The following MSH5 variants were observed in gnomAD, a reference collection of about 807,000 sequenced individuals.
MSH5 encodes the protein mutS protein homolog 5.
Under a neutral mutation model 107.7 loss-of-function variants are expected in MSH5, and 78 were observed. The observed-to-expected ratio is 0.72, with a 90% CI of 0.60 to 0.87. MSH5 has a LOEUF of 0.87. Ranked by LOEUF, MSH5 falls within the 40% of genes least tolerant of loss-of-function variation. MSH5 has a pLI of 0.00. For synonymous variants in MSH5, 326 were observed against 399.5 expected (o/e 0.82, Z 2.19); for missense variants, 889 against 1,046.6 (o/e 0.85, Z 2.08).
intron 12 of MSH5, among the ~76,000 whole-genome samples, chr6:31,755,265 C>A (rs1055814522): frequency 6.6e-6 from 1 of 152,276 alleles, no homozygotes; most frequent in East Asian, 1.9e-4. Context: ...GATCCTCCCC[C>A]CTCAGCCTCC....
At chr6:31,743,040 G>A in intron 4 of MSH5, 68 bp from the exon 5 acceptor site, 1 of 1,609,608 alleles carries the variant, frequency 6.2e-7, no homozygotes, top group Non-Finnish European at 8.5e-7. Flanking sequence ...TGGGTGAGAG[G>A]GAGTGTCAGA....
intron 12 of MSH5, among the ~76,000 whole-genome samples, chr6:31,755,177 G>A (rs1468819802): frequency 6.6e-6 from 1 of 150,482 alleles, no homozygotes; most frequent in Non-Finnish European, 1.5e-5. Flanking sequence ...TTTGAGACAG[G>A]GTCTCACTCT....
intron 12 of MSH5, 21 bp downstream of exon 12, chr6:31,753,650 T>C: frequency 6.2e-7 from 1 of 1,613,108 alleles, no homozygotes; most frequent in Non-Finnish European, 8.5e-7. Flanking sequence ...CCTTCTTGAA[T>C]CCCAAAAGTC....
chr6:31,752,487 C>T (rs933289714), intron 10 of MSH5, among the ~76,000 whole-genome samples: 10 of 152,086 alleles, frequency 6.6e-5, no homozygotes, highest in East Asian at 3.9e-4. Flanking sequence ...CTTTGGGAGC[C>T]GAGGCGGGCA....
Position 31,758,508 on chromosome 6 carries a change from G to C in MSH5, c.1144-40G>C. 6.2e-7 allele frequency: 1 copy of C among 1,607,112 alleles called. No individual in the cohort carries two copies. Among genetic ancestry groups the C allele is most frequent in the Non-Finnish European group, 8.5e-7 (1 of 1,174,708 alleles). On this transcript the variant is annotated intron_variant, in intron 13 of 24. Coordinates refer to ENST00000375750, the MANE Select transcript of MSH5 (RefSeq NM_172166.4). This position sits in a 1 kb window ranked among gnomAD's most constrained non-coding sequence, Gnocchi z 5.1. ...CCAAGGAGAGCTGAGGAACAGGACA[G>C]AGGGTGCCAGGTCCTAAGAAACAGT...
intron 10 of MSH5, 46 bp downstream of exon 10, chr6:31,747,478 A>C: frequency 1.3e-6 from 2 of 1,589,696 alleles, no homozygotes; most frequent in South Asian, 2.2e-5. Context: ...TGAATTCCAT[A>C]TGCACACTAC....
rs1810945981 is a variant in MSH5, at chr6:31,761,099, T to C, written c.1963-89T>C. 3.1e-6 allele frequency: 4 copies of C among 1,286,046 alleles called. No homozygotes were observed. Among genetic ancestry groups the C allele is most frequent in the East Asian group, 2.5e-5 (1 of 40,462 alleles). The allele number at this position is 1,286,046 out of a possible 1,614,324, so 79.7% of individuals were successfully genotyped here. ...AACTTGCAGTGCAGTAGGGAGGGCATGTATACAGCTTTATTCACAGGCCAA... is the reference window on the plus strand; with the variant it reads ...AACTTGCAGTGCAGTAGGGAGGGCACGTATACAGCTTTATTCACAGGCCAA... On this transcript the variant is annotated intron_variant, in intron 20 of 24. Coordinates refer to ENST00000375750, the MANE Select transcript of MSH5 (RefSeq NM_172166.4). This position sits in a 1 kb window ranked among gnomAD's most constrained non-coding sequence, Gnocchi z 5.3.
At chr6:31,741,129 C>G in intron 2 of MSH5, 34 bp from the exon 3 acceptor site, 1 of 1,611,404 alleles carries the variant, frequency 6.2e-7, no homozygotes, top group Admixed American at 1.7e-5. Context: ...ATGAGTGATT[C>G]TAATAGTGAT....
rs1431998328 is a variant in MSH5 at position 31,759,863 on chromosome 6, C to T, written c.1573C>T (p.Leu525Phe). Residue 525 changes from leucine to phenylalanine, a missense_variant, in exon 18 of 25, where the codon CTT becomes TTT. This residue lies in a region of MSH5 where 362 missense variants were observed against 456.2 expected (regional missense o/e 0.79). Transcript: ENST00000375750. The surrounding 1 kb of genome is among the most constrained non-coding windows in gnomAD (Gnocchi z 4.7). ...RAAVLTRVLD[L>F]ASRLDVLLAL... is the part of the protein sequence containing the mutation. ...AGCTGTCTTAACCCGAGTATTGGAC[C>T]TTGCCTCCCGCCTGGACGTCCTGCT... is the stretch of plus-strand genomic sequence containing the variant. 6.2e-7 allele frequency: 1 copy of T among 1,614,052 alleles called. No individual in the cohort carries two copies. Among genetic ancestry groups the T allele is most frequent in the Non-Finnish European group, 8.5e-7 (1 of 1,180,044 alleles).
chr6:31,753,262 T>G (rs756215468), intron 10 of MSH5, 39 bp from the exon 11 acceptor site: 1 of 1,563,616 alleles, frequency 6.4e-7, no homozygotes, highest in South Asian at 1.2e-5. Flanking sequence ...AGATGATAGA[T>G]GTAACTTGTA....
At chr6:31,745,836 C>A (rs1809394204) in intron 9 of MSH5, among the ~76,000 whole-genome samples, 1 of 142,314 alleles carries the variant, frequency 7.0e-6, no homozygotes, top group South Asian at 2.2e-4. Flanking sequence ...GGTGCAATAT[C>A]AGCTCACTGC....
chr6:31,748,786 C>G (rs1809693809), intron 10 of MSH5, among the ~76,000 whole-genome samples: 1 of 152,134 alleles, frequency 6.6e-6, no homozygotes, highest in South Asian at 2.1e-4. Flanking sequence ...GTTTTAATTT[C>G]CAGACTCACC....
In MSH5 at chr6:31,761,347, T is replaced by C; in HGVS notation, c.2037+85T>C. 1 of 1,606,200 alleles carries C rather than the reference T, an allele frequency of 6.2e-7. No individual in the cohort carries two copies. The highest frequency in any genetic ancestry group is 8.5e-7 in the Non-Finnish European group (1 of 1,175,012). On this transcript the variant is annotated intron_variant, in intron 21 of 24. Coordinates refer to ENST00000375750, the MANE Select transcript of MSH5 (RefSeq NM_172166.4). The surrounding 1 kb of genome is among the most constrained non-coding windows in gnomAD (Gnocchi z 5.3). The stretch of plus-strand genomic sequence containing the variant: ...GAGCATGACAGTGAGGCTGGGCCTC[T>C]GGAATGGAATAGGGCTGTGTGGGCA...
At position 31,759,585 on chromosome 6, in the gene MSH5, T is replaced by C; in HGVS notation, c.1495+73T>C. ...GCAGCAGCCAGGGGAAGGAGGGGAG[T>C]GGGCAACTTGGGGATGCTTCCAACA... On this transcript the variant is annotated intron_variant, in intron 17 of 24. Coordinates refer to ENST00000375750, the MANE Select transcript of MSH5 (RefSeq NM_172166.4). This position sits in a 1 kb window ranked among gnomAD's most constrained non-coding sequence, Gnocchi z 4.7. 1.2e-5 allele frequency: 16 copies of C among 1,369,508 alleles called. No individual in the cohort carries two copies. Among genetic ancestry groups the C allele is most frequent in the Non-Finnish European group, 1.4e-5 (14 of 968,164 alleles). The allele number at this position is 1,369,508 out of a possible 1,614,324, so 84.8% of individuals were successfully genotyped here.
In MSH5 at chr6:31,761,806, TTC is replaced by T; in HGVS notation, c.2182-8_2182-7del. 6.2e-7 allele frequency: 1 copy of T among 1,613,116 alleles called. No individual in the cohort carries two copies. Among genetic ancestry groups the T allele is most frequent in the Non-Finnish European group, 8.5e-7 (1 of 1,180,024 alleles). On this transcript the variant is annotated splice_polypyrimidine_tract_variant and intron_variant, in intron 22 of 24. Transcript: ENST00000375750. The surrounding 1 kb of genome is among the most constrained non-coding windows in gnomAD (Gnocchi z 5.3). ...GTGATTGATGATACACTGTCTTTTATTCTCTTTTAAGACCATGGAGACCTGTG... is the reference window on the plus strand; with the variant it reads ...GTGATTGATGATACACTGTCTTTTATTCTTTTAAGACCATGGAGACCTGTG...
At chr6:31,754,452 G>A (rs1445123161) in intron 12 of MSH5, among the ~76,000 whole-genome samples, 1 of 151,874 alleles carries the variant, frequency 6.6e-6, no homozygotes, top group Non-Finnish European at 1.5e-5. Flanking sequence ...GCCCAGCCTA[G>A]TATGTGTCAT....
At chr6:31,745,450 TTTC>T in intron 9 of MSH5, 131 bp downstream of exon 9, 1 of 667,748 alleles carries the variant, frequency 1.5e-6, no homozygotes, top group Non-Finnish European at 2.6e-6. Context: ...CCAATCCAAA[TTTC>T]TTACCTATTT....
chr6:31,745,734 A>G (rs1052316005), intron 9 of MSH5, among the ~76,000 whole-genome samples: 4 of 148,940 alleles, frequency 2.7e-5, no homozygotes, highest in African/African-American at 7.4e-5. Context: ...AAATATCCAT[A>G]TAGTTTCATA....
intron 9 of MSH5, chr6:31,746,027 A>T (rs1231431961): frequency 6.7e-6 from 1 of 149,834 alleles, no homozygotes; most frequent in African/African-American, 2.5e-5. Flanking sequence ...CGGCCTCCCA[A>T]AGTGCTGGGA....
Sources: gnomAD v4.1 joint callset for allele counts (sites outside exome capture counted in the v4.1 genomes callset) on GRCh38, gnomAD v4.1.1 for gene constraint, gnomAD v4.1.1 regional missense constraint, Gnocchi (gnomAD v3.1) non-coding constraint, MANE v1.5 for transcripts, NCBI Gene and HGNC (gene_info 2026-07-23, HGNC 2026-07-21) for gene names.